Variants in KLF12 observed in about 807,000 individuals in gnomAD.
KLF12 encodes the protein KLF transcription factor 12, also known as Krueppel-like factor 12.
In KLF12, 9 loss-of-function variants were observed where a neutral mutation model predicts 37.8. That is an observed-to-expected ratio of 0.24 (90% CI 0.14 to 0.42). KLF12 has a LOEUF of 0.42. KLF12 is among the 10% of genes least tolerant of loss of function. The pLI is 1.00. For missense variants in KLF12, 411 were observed against 516.0 expected (o/e 0.80, Z 1.97); for synonymous variants, 208 against 202.1 (o/e 1.03, Z -0.25).
chr13:73,845,871 G>A lies in KLF12; in HGVS notation c.626C>T (p.Thr209Ile). The A allele has an allele frequency of 6.2e-7, 1 of 1,614,172 alleles. No individual in the cohort carries two copies. The highest frequency in any genetic ancestry group is 8.5e-7 in the Non-Finnish European group (1 of 1,180,006). ...ATCCTCCAAAAGCGGCACGACAATA[G>A]TGTTGTTCACATTTCCAGGTGACCT... Residue 209 changes from threonine to isoleucine, a missense_variant, in exon 4 of 8, where the codon ACT becomes ATT. By Grantham distance (89) the Thr-to-Ile change is moderately conservative. This residue lies in a region of KLF12 where 351 missense variants were observed against 397.8 expected (regional missense o/e 0.88). Transcript: ENST00000377669.
At chr13:73,892,053 G>A (rs1277708202) in intron 3 of KLF12, among the ~76,000 whole-genome samples, 1 of 151,644 alleles carries the variant, frequency 6.6e-6, no homozygotes, top group African/African-American at 2.4e-5. Flanking sequence ...ACTACAAGTA[G>A]CTCCTTCACA....
intron 1 of KLF12, among the ~76,000 whole-genome samples, chr13:74,038,532 C>T (rs1042571185): frequency 6.6e-6 from 1 of 152,018 alleles, no homozygotes; most frequent in Admixed American, 6.6e-5. Flanking sequence ...GACATGAACA[C>T]CTGAAGTTGA....
At chr13:74,278,838 T>C in the KLF12 span, among the ~76,000 whole-genome samples, 24 of 152,346 alleles carry the variant, frequency 1.6e-4, no homozygotes, top group African/African-American at 5.3e-4. Context: ...GAAGATCTTA[T>C]GTTAATATCC....
chr13:73,740,924 C>T (rs1877927425), intron 6 of KLF12, among the ~76,000 whole-genome samples: 1 of 152,112 alleles, frequency 6.6e-6, no homozygotes, highest in South Asian at 2.1e-4. Flanking sequence ...AAAGCCCGCC[C>T]AGTGCTAACG....
At chr13:74,005,293 T>A (rs1047608040) in intron 1 of KLF12, among the ~76,000 whole-genome samples, 3 of 152,144 alleles carry the variant, frequency 2.0e-5, no homozygotes, top group Admixed American at 1.3e-4. Flanking sequence ...CCTAAAATGA[T>A]TGAAATATAG....
At chr13:74,037,051 A>T (rs554696398) in intron 1 of KLF12, among the ~76,000 whole-genome samples, 1 of 152,136 alleles carries the variant, frequency 6.6e-6, no homozygotes, top group Admixed American at 6.5e-5. Flanking sequence ...TGAAAATAAA[A>T]AAATTAGCCA....
the KLF12 span, among the ~76,000 whole-genome samples, chr13:74,161,006 A>G: frequency 7.2e-5 from 11 of 151,976 alleles, no homozygotes; most frequent in African/African-American, 2.7e-4. Context: ...CTGTTCATGC[A>G]GGAGGTGTCC....
At chr13:74,012,403 T>C (rs1471506098) in intron 1 of KLF12, among the ~76,000 whole-genome samples, 1 of 152,208 alleles carries the variant, frequency 6.6e-6, no homozygotes, top group Non-Finnish European at 1.5e-5. Flanking sequence ...TATCTATTCC[T>C]GAGTACACTG....
intron 5 of KLF12, among the ~76,000 whole-genome samples, chr13:73,777,708 C>CAA (rs111696965): frequency 1.1e-3 from 128 of 115,942 alleles, no homozygotes; most frequent in African/African-American, 3.8e-3. Flanking sequence ...AACTCCATTT[C>CAA]AAAAAAAAAA....
At chr13:73,899,127 A>C (rs559762170) in intron 3 of KLF12, among the ~76,000 whole-genome samples, 2 of 152,340 alleles carry the variant, frequency 1.3e-5, no homozygotes, top group African/African-American at 4.8e-5. Context: ...ACCCCCCAGG[A>C]AGGGGGCTGG....
chr13:73,933,993 T>G lies in KLF12; in HGVS notation c.123+9988A>C, dbSNP rs552507960. 2.8e-4 allele frequency among the ~76,000 whole-genome samples: 43 copies of G among 152,208 alleles called. No individual in the cohort carries two copies. In the South Asian group the frequency reaches 8.3e-3, roughly 29 times the overall value. ...TGAAACTCTATACTCACAGGACAAC[T>G]CCCTATTTCCCTCTCCCCCAACACC... On this transcript the variant is annotated intron_variant, in intron 3 of 7. Coordinates refer to ENST00000377669, the MANE Select transcript of KLF12 (RefSeq NM_007249.5).
At chr13:74,160,499 T>C in the KLF12 span, among the ~76,000 whole-genome samples, 3 of 152,220 alleles carry the variant, frequency 2.0e-5, no homozygotes, top group African/African-American at 7.2e-5. Context: ...CGTCTCAGCC[T>C]AATACAGATC....
At chr13:74,211,641 A>G in the KLF12 span, among the ~76,000 whole-genome samples, 158 of 152,304 alleles carry the variant, frequency 1.0e-3, 1 homozygote, top group Admixed American at 1.7e-3. Flanking sequence ...GAGCCATTGA[A>G]TGTTTTTAGG....
chr13:73,810,648 C>T (rs1184812524), intron 5 of KLF12, among the ~76,000 whole-genome samples: 2 of 151,462 alleles, frequency 1.3e-5, no homozygotes, highest in Non-Finnish European at 2.9e-5. Context: ...TTTATAAAGA[C>T]ACACACACAC....
At chr13:74,155,740 G>A in the KLF12 span, among the ~76,000 whole-genome samples, 1 of 152,104 alleles carries the variant, frequency 6.6e-6, no homozygotes, top group African/African-American at 2.4e-5. Context: ...GCTTATACAC[G>A]GCCAATTCCA....
the KLF12 span, among the ~76,000 whole-genome samples, chr13:74,229,243 G>A: frequency 6.6e-6 from 1 of 152,200 alleles, no homozygotes; most frequent in Non-Finnish European, 1.5e-5. Flanking sequence ...AAGGGGGATA[G>A]TCGTTAGGAA....
At chr13:74,285,370 G>C in the KLF12 span, among the ~76,000 whole-genome samples, 1 of 152,132 alleles carries the variant, frequency 6.6e-6, no homozygotes, top group Non-Finnish European at 1.5e-5. Flanking sequence ...TAGAGTTGCG[G>C]TTAGAAAATA....
the KLF12 span, among the ~76,000 whole-genome samples, chr13:74,210,147 C>T: frequency 2.0e-5 from 3 of 152,074 alleles, no homozygotes; most frequent in South Asian, 2.1e-4. Flanking sequence ...CCAGGTGCTT[C>T]GTTAATAGCA....
chr13:73,853,631 A>G (rs917202892), intron 3 of KLF12, among the ~76,000 whole-genome samples: 18 of 151,756 alleles, frequency 1.2e-4, no homozygotes, highest in Admixed American at 5.3e-4. Flanking sequence ...CCCAGCTACT[A>G]GGGAAGCTGA....
Sources: gnomAD v4.1 joint callset for allele counts (sites outside exome capture counted in the v4.1 genomes callset) on GRCh38, gnomAD v4.1.1 for gene constraint, gnomAD v4.1.1 regional missense constraint, MANE v1.5 for transcripts, NCBI Gene and HGNC (gene_info 2026-07-23, HGNC 2026-07-21) for gene names.